The following TRUB1 variants were observed in gnomAD, a reference collection of about 807,000 sequenced individuals.
TRUB1 encodes TruB pseudouridine synthase family member 1.
A neutral mutation model predicts 33.9 loss-of-function variants in TRUB1; 23 were observed. The observed-to-expected ratio is 0.68, with a 90% confidence interval of 0.49 to 0.96. The LOEUF is 0.96. Ranked by LOEUF, TRUB1 falls within the 40% of genes least tolerant of loss-of-function variation. The probability of loss-of-function intolerance (pLI) is 0.00; values close to 1 mark genes in which losing one functional copy is unlikely to be tolerated. For missense variants in TRUB1, 378 were observed against 422.2 expected (o/e 0.90, Z 0.92); for synonymous variants, 163 against 165.4 (o/e 0.99, Z 0.11).
chr10:114,960,010 CT>C (rs1564700063), intron 4 of TRUB1: 1 of 518,038 alleles, frequency 1.9e-6, no homozygotes, highest in African/African-American at 2.0e-5. Context: ...GTGATTGCCT[CT>C]TTTTCTATAG....
At position 114,975,489 on chromosome 10, in the gene TRUB1, C is replaced by A; in HGVS notation, c.*110C>A. ...AAACAATATGTCTTTTTTTTTTTTG[C>A]ATGAAGAAAAATGTCTATCATTTAC... On this transcript the variant is annotated 3_prime_UTR_variant, in exon 8 of 8. Coordinates refer to ENST00000298746, the MANE Select transcript of TRUB1 (RefSeq NM_139169.5). 1 of 1,039,812 alleles carries A rather than the reference C, an allele frequency of 9.6e-7. No individual in the cohort carries two copies. 64.4% of individuals were successfully genotyped at this position (1,039,812 alleles called of 1,614,324 possible). A position where few individuals can be genotyped will look rare whatever the true frequency, so the allele number is the denominator to read the frequency against.
At chr10:114,968,114 A>G (rs1275467701) in intron 4 of TRUB1, among the ~76,000 whole-genome samples, 1 of 152,142 alleles carries the variant, frequency 6.6e-6, no homozygotes, top group Non-Finnish European at 1.5e-5. Flanking sequence ...TCAAATATGT[A>G]GAAAGAAGAG....
chr10:114,954,902 T>C (rs575598415), intron 3 of TRUB1, among the ~76,000 whole-genome samples: 1 of 142,344 alleles, frequency 7.0e-6, no homozygotes, highest in African/African-American at 2.5e-5. Flanking sequence ...TGAATACAGT[T>C]AATTTCTTTT....
At chr10:114,969,189 T>C (rs1419725372) in intron 4 of TRUB1, among the ~76,000 whole-genome samples, 1 of 151,376 alleles carries the variant, frequency 6.6e-6, no homozygotes, top group Non-Finnish European at 1.5e-5. Context: ...CCCAGCACTT[T>C]GGGAGGCTGA....
In TRUB1 at chr10:114,975,773, T is replaced by C. The variant is rs2084357653; in HGVS notation, c.*394T>C. 6.5e-6 allele frequency: 1 copy of C among 153,516 alleles called. No individual in the cohort carries two copies. Among genetic ancestry groups the C allele is most frequent in the Non-Finnish European group, 1.4e-5 (1 of 69,026 alleles). 9.5% of individuals were successfully genotyped at this position (153,516 alleles called of 1,614,324 possible). ...CAAAAATGACCATAATTTAGTGTTATTTTTACTTTATTTAGGCTTCCTGGT... is the reference window on the plus strand; with the variant it reads ...CAAAAATGACCATAATTTAGTGTTACTTTTACTTTATTTAGGCTTCCTGGT... On this transcript the variant is annotated 3_prime_UTR_variant, in exon 8 of 8. Transcript: ENST00000298746.
chr10:114,942,561 C>A, intron 1 of TRUB1, 84 bp from the exon 2 acceptor site: 1 of 856,188 alleles, frequency 1.2e-6, no homozygotes, highest in South Asian at 1.5e-5. Flanking sequence ...TTGAAAATGC[C>A]ATCCCCTTTT....
intron 3 of TRUB1, among the ~76,000 whole-genome samples, chr10:114,953,427 TGAA>T (rs1408222113): frequency 1.3e-5 from 2 of 152,230 alleles, no homozygotes; most frequent in Non-Finnish European, 2.9e-5. Flanking sequence ...AGTTTAATGT[TGAA>T]GATTATTTTT....
At chr10:114,939,318 A>C (rs1054992696) in intron 1 of TRUB1, among the ~76,000 whole-genome samples, 35 of 152,238 alleles carry the variant, frequency 2.3e-4, no homozygotes, top group Non-Finnish European at 4.4e-5. Context: ...ATATACAATA[A>C]GCCAGGTCTG....
At chr10:114,969,277 A>C (rs1434463003) in intron 4 of TRUB1, among the ~76,000 whole-genome samples, 3 of 151,816 alleles carry the variant, frequency 2.0e-5, no homozygotes, top group Non-Finnish European at 2.9e-5. Flanking sequence ...ACTAAAAAAT[A>C]CAAAAAGTAG....
chr10:114,942,627 T>C lies in TRUB1; in HGVS notation c.287-18T>C, dbSNP rs758177165. 12 of 1,563,384 alleles carry C rather than the reference T, an allele frequency of 7.7e-6. No individual in the cohort carries two copies. The highest frequency in any genetic ancestry group is 3.3e-4 in the Middle Eastern group (2 of 6,000). ...TTGTCTTGGTGATCACCTTTTTTCA[T>C]CCCCATTTCTCTCATAGAAGCTGGA... On this transcript the variant is annotated intron_variant, in intron 1 of 7. Transcript: ENST00000298746.
chr10:114,966,111 A>C (rs1292206327), intron 4 of TRUB1, among the ~76,000 whole-genome samples: 1 of 152,194 alleles, frequency 6.6e-6, no homozygotes, highest in Non-Finnish European at 1.5e-5. Context: ...TAATGAAAAC[A>C]GTGAACATAT....
At position 114,972,239 on chromosome 10, in the gene TRUB1, C is replaced by T. The variant is rs146130194; in HGVS notation, c.701C>T (p.Ser234Phe). 8 of 1,608,884 alleles carry T rather than the reference C, an allele frequency of 5.0e-6. No individual in the cohort carries two copies. Among genetic ancestry groups the T allele is most frequent in the Admixed American group, 3.4e-5 (2 of 58,296 alleles). ...PARPVTVYSI[S>F]LQKFQPPFFT... ...AGGCCAGTGACTGTATACAGTATCT[C>T]CCTTCAAAAATTCCAGCCACCATTT... is the stretch of plus-strand genomic sequence containing the variant. Residue 234 changes from serine (S) to phenylalanine (F), a missense_variant, in exon 6 of 8, where the codon TCC becomes TTC. Transcript: ENST00000298746.
intron 4 of TRUB1, among the ~76,000 whole-genome samples, chr10:114,968,473 T>C (rs1164920958): frequency 6.6e-6 from 1 of 152,254 alleles, no homozygotes; most frequent in Non-Finnish European, 1.5e-5. Flanking sequence ...CAGCATTGGC[T>C]GTCTAGATCT....
chr10:114,951,445 C>T lies in TRUB1; in HGVS notation c.441+296C>T, dbSNP rs563871113. The stretch of plus-strand genomic sequence containing the variant: ...TCTTAGATGATTGGGACTTAGAGGT[C>T]ATAAACTCTAGTGACAGACTTTTTT... On this transcript the variant is annotated intron_variant, in intron 3 of 7. Coordinates refer to ENST00000298746, the MANE Select transcript of TRUB1 (RefSeq NM_139169.5). Among the ~76,000 whole-genome samples the T allele has an allele frequency of 2.0e-5, 3 of 152,142 alleles. No individual in the cohort carries two copies. The South Asian group carries it at 6.2e-4, about 31-fold the overall frequency.
chr10:114,942,623 T>C, intron 1 of TRUB1, 22 bp from the exon 2 acceptor site: 2 of 1,541,472 alleles, frequency 1.3e-6, no homozygotes, highest in Non-Finnish European at 1.8e-6. Context: ...ATCACCTTTT[T>C]TCATCCCCAT....
chr10:114,946,198 A>C (rs1263155851), intron 2 of TRUB1, among the ~76,000 whole-genome samples: 2 of 152,172 alleles, frequency 1.3e-5, no homozygotes, highest in Non-Finnish European at 2.9e-5. Flanking sequence ...TCGTAACTTC[A>C]CTGAACGTGT....
chr10:114,948,816 G>T (rs1232412395), intron 2 of TRUB1, among the ~76,000 whole-genome samples: 1 of 152,166 alleles, frequency 6.6e-6, no homozygotes, highest in Admixed American at 6.5e-5. Context: ...AAACATGTCA[G>T]TCTGCTTCTA....
Position 114,977,245 on chromosome 10 carries a change from T to C in TRUB1, c.*1866T>C, listed in dbSNP as rs1343184996. ...TTTAGAATTTAAATTTTTATATTAC[T>C]ATTTTCCTTTTTGTTGTTCACATAG... On this transcript the variant is annotated 3_prime_UTR_variant, in exon 8 of 8. Transcript: ENST00000298746. The C allele has an allele frequency of 6.6e-6, 1 of 152,140 alleles. No individual in the cohort carries two copies. Among genetic ancestry groups the C allele is most frequent in the African/African-American group, 2.4e-5 (1 of 41,460 alleles). 9.4% of individuals were successfully genotyped at this position (152,140 alleles called of 1,614,324 possible).
intron 3 of TRUB1, 148 bp from the exon 4 acceptor site, chr10:114,959,578 A>C: frequency 1.5e-6 from 1 of 649,340 alleles, no homozygotes; most frequent in Non-Finnish European, 2.7e-6. Context: ...TCCACATATT[A>C]AAAACAAAAC....
Sources: allele counts gnomAD v4.1 joint callset (sites outside exome capture counted in the v4.1 genomes callset), GRCh38; gene constraint gnomAD v4.1.1; transcripts MANE v1.5; gene names NCBI Gene and HGNC (gene_info 2026-07-23, HGNC 2026-07-21).